The following PLA2R1 variants were observed in gnomAD, a reference collection of about 807,000 sequenced individuals.
PLA2R1 encodes secretory phospholipase A2 receptor.
Under a neutral mutation model 195.9 loss-of-function variants are expected in PLA2R1, and 158 were observed. That is an observed-to-expected ratio of 0.81 (90% CI 0.71 to 0.92). The LOEUF is 0.92. Among genes scored for constraint, PLA2R1 ranks in the 40% least tolerant of loss-of-function variants. The pLI, the probability that PLA2R1 is intolerant of heterozygous loss-of-function variation, is 0.00. For synonymous variants in PLA2R1, 586 were observed against 598.2 expected (o/e 0.98, Z 0.30); for missense variants, 1,626 against 1,764.6 (o/e 0.92, Z 1.41).
chr2:160,021,154 G>C (rs1327418114), intron 7 of PLA2R1, among the ~76,000 whole-genome samples: 1 of 152,040 alleles, frequency 6.6e-6, no homozygotes, highest in Non-Finnish European at 1.5e-5. Context: ...TGCAAAAAAA[G>C]GAACACTTAT....
chr2:159,930,285 G>C (rs1428746635), downstream of PLA2R1, among the ~76,000 whole-genome samples: 1 of 152,110 alleles, frequency 6.6e-6, no homozygotes, highest in African/African-American at 2.4e-5. Flanking sequence ...GCACGCGCCT[G>C]TAGTCCCAGC....
intron 12 of PLA2R1, among the ~76,000 whole-genome samples, chr2:159,984,798 CTTACCCTTCTTAT>C (rs1184681222): frequency 6.6e-6 from 1 of 152,150 alleles, no homozygotes; most frequent in East Asian, 1.9e-4. Context: ...TCCCAGTCCT[CTTACCCTTCTTAT>C]TTTTAACTGC....
rs746596676 is a variant in PLA2R1 at position 160,016,636 on chromosome 2, T to A, written c.1529A>T (p.Asp510Val). Residue 510 changes from aspartate to valine, a missense_variant, in exon 9 of 30, where the codon GAT (aspartate) becomes GTT (valine). Physicochemically the swap from Asp to Val is radical, Grantham distance 152. Coordinates refer to ENST00000283243, the MANE Select transcript of PLA2R1 (RefSeq NM_007366.5). ...ICKKAGHVLS[D>V]AESGCQEGWE... is the part of the protein sequence containing the mutation. Reference sequence around the variant, plus strand: ...TACCTCTTGACATCCTGATTCAGCATCAGAGAGGACATGGCCTGCTTTTTT... The same window carrying A: ...TACCTCTTGACATCCTGATTCAGCAACAGAGAGGACATGGCCTGCTTTTTT... 6.2e-7 allele frequency: 1 copy of A among 1,603,026 alleles called. No homozygotes were observed.
At chr2:159,979,801 T>A (rs201717640) in intron 14 of PLA2R1, 29 bp downstream of exon 14, 89 of 1,325,680 alleles carry the variant, frequency 6.7e-5, no homozygotes, top group Non-Finnish European at 8.7e-5. Context: ...TTTGAATCCA[T>A]CCCTTTTCTC....
intron 23 of PLA2R1, among the ~76,000 whole-genome samples, chr2:159,952,470 A>G (rs1311983164): frequency 1.3e-5 from 2 of 152,214 alleles, no homozygotes; most frequent in Non-Finnish European, 2.9e-5. Flanking sequence ...GGACAAAAAC[A>G]AGGTAAGAGT....
At chr2:159,967,020 T>C (rs1688832152) in intron 20 of PLA2R1, among the ~76,000 whole-genome samples, 1 of 152,092 alleles carries the variant, frequency 6.6e-6, no homozygotes, top group African/African-American at 2.4e-5. Context: ...CAAGCTAAGT[T>C]ATTAGTCCCT....
chr2:159,956,702 G>A lies in PLA2R1; in HGVS notation c.2905-75C>T. 3 of 853,696 alleles carry A rather than the reference G, an allele frequency of 3.5e-6. No individual in the cohort carries two copies. In the South Asian group the frequency reaches 4.4e-5, roughly 12 times the overall value. The allele number at this position is 853,696 out of a possible 1,614,324, so 52.9% of individuals were successfully genotyped here. On this transcript the variant is annotated intron_variant, in intron 20 of 29. Transcript: ENST00000283243. Reference sequence around the variant, plus strand: ...GAATTAAAAATTTCCCAAAGACACTGAATATCAGCTTTGAAAATTCTTTAT... The same window carrying A: ...GAATTAAAAATTTCCCAAAGACACTAAATATCAGCTTTGAAAATTCTTTAT...
At chr2:159,976,601 A>T in intron 16 of PLA2R1, 84 bp downstream of exon 16, 1 of 852,276 alleles carries the variant, frequency 1.2e-6, no homozygotes, top group South Asian at 1.5e-5. Flanking sequence ...TGAGAAATGT[A>T]ACAACACATT....
In PLA2R1 at chr2:159,939,489, A is replaced by T. The variant is rs567246479; in HGVS notation, c.*2289T>A. On this transcript the variant is annotated 3_prime_UTR_variant, in exon 30 of 30. Coordinates refer to ENST00000283243, the MANE Select transcript of PLA2R1 (RefSeq NM_007366.5). ...CCACTGTACTCCTGCCTGGCAACAG[A>T]GCAAGACTCCATCTCCAAAAAAAAA... The T allele has an allele frequency of 2.7e-5, 4 of 147,302 alleles. No homozygotes were observed. In the South Asian group the frequency reaches 6.5e-4, roughly 24 times the overall value. 9.1% of individuals were successfully genotyped at this position (147,302 alleles called of 1,614,324 possible). A position where few individuals can be genotyped will look rare whatever the true frequency, so the allele number is the denominator to read the frequency against.
rs1368219581 is a variant in PLA2R1 at position 159,939,457 on chromosome 2, G to T, written c.*2321C>A. On this transcript the variant is annotated 3_prime_UTR_variant, in exon 30 of 30. Transcript: ENST00000283243. Reference sequence around the variant, plus strand: ...GCAGTTGAAGGTTGCAGTGAGCTGAGATCATGCCACTGTACTCCTGCCTGG... The same window carrying T: ...GCAGTTGAAGGTTGCAGTGAGCTGATATCATGCCACTGTACTCCTGCCTGG... The T allele has an allele frequency of 8.1e-5, 11 of 136,164 alleles. No homozygotes were observed. The highest frequency in any genetic ancestry group is 3.0e-4 in the African/African-American group (11 of 36,432). 8.4% of individuals were successfully genotyped at this position (136,164 alleles called of 1,614,324 possible). A position where few individuals can be genotyped will look rare whatever the true frequency, so the allele number is the denominator to read the frequency against.
chr2:160,029,877 G>A (rs748120583), intron 4 of PLA2R1, among the ~76,000 whole-genome samples: 2 of 152,134 alleles, frequency 1.3e-5, no homozygotes, highest in Non-Finnish European at 2.9e-5. Context: ...AGCATTGTTC[G>A]CTTACAATTC....
intron 6 of PLA2R1, among the ~76,000 whole-genome samples, chr2:160,025,502 T>C (rs1383225603): frequency 6.6e-6 from 1 of 150,680 alleles, no homozygotes; most frequent in Admixed American, 6.7e-5. Context: ...TCTAGAGTGA[T>C]TGTATGCAAC....
At chr2:160,005,518 C>A in intron 11 of PLA2R1, 134 bp downstream of exon 11, 1 of 615,910 alleles carries the variant, frequency 1.6e-6, no homozygotes, top group Non-Finnish European at 2.8e-6. Flanking sequence ...CCCTGTTAAC[C>A]TGTGTTGATC....
rs894680460 is a variant in PLA2R1 at position 159,959,720 on chromosome 2, A to G, written c.2905-3093T>C. Reference sequence around the variant, plus strand: ...ACTCACAATGAATGGCACGGTCTGCATGCACTTATACACATACAATAAGCC... The same window carrying G: ...ACTCACAATGAATGGCACGGTCTGCGTGCACTTATACACATACAATAAGCC... On this transcript the variant is annotated intron_variant, in intron 20 of 29. Coordinates refer to ENST00000283243, the MANE Select transcript of PLA2R1 (RefSeq NM_007366.5). 1.7e-4 allele frequency among the ~76,000 whole-genome samples: 26 copies of G among 152,270 alleles called. 1 individual carries two copies. Among genetic ancestry groups the G allele is most frequent in the Non-Finnish European group, 3.1e-4 (21 of 68,024 alleles).
At chr2:159,983,649 A>G (rs918975987) in intron 13 of PLA2R1, among the ~76,000 whole-genome samples, 4 of 152,166 alleles carry the variant, frequency 2.6e-5, no homozygotes, top group Admixed American at 1.3e-4. Context: ...ATTGGGGTAG[A>G]TAATTCCTGA....
chr2:159,925,970 G>A, the PLA2R1 span, among the ~76,000 whole-genome samples: 3 of 152,326 alleles, frequency 2.0e-5, no homozygotes, highest in Admixed American at 2.0e-4. Flanking sequence ...TTTGGTGGGG[G>A]GAGGAAGGAT....
chr2:159,976,821 T>A (rs1689593890), intron 15 of PLA2R1, 101 bp from the exon 16 acceptor site: 8 of 872,090 alleles, frequency 9.2e-6, no homozygotes, highest in Non-Finnish European at 1.5e-5. Context: ...CTTCATCTTT[T>A]AAAACATCAC....
chr2:159,986,480 T>G (rs1690343116), intron 12 of PLA2R1, among the ~76,000 whole-genome samples: 1 of 152,100 alleles, frequency 6.6e-6, no homozygotes, highest in South Asian at 2.1e-4. Flanking sequence ...AGCTAGGAAC[T>G]TACGCAGAAA....
At chr2:160,042,828 T>C (rs557099522) in intron 2 of PLA2R1, among the ~76,000 whole-genome samples, 1,517 of 116,206 alleles carry the variant, frequency 0.013, 42 homozygotes, top group African/African-American at 0.039. Context: ...TGTGTGTGTG[T>C]GTGTGTGTGT....
Sources: gnomAD v4.1 joint callset for allele counts (sites outside exome capture counted in the v4.1 genomes callset) on GRCh38, gnomAD v4.1.1 for gene constraint, MANE v1.5 for transcripts, NCBI Gene and HGNC (gene_info 2026-07-23, HGNC 2026-07-21) for gene names.